The following RAB38 variants were observed in gnomAD, a reference collection of about 807,000 sequenced individuals.
The protein encoded by RAB38 is ras-related protein Rab-38.
A neutral mutation model predicts 18.4 loss-of-function variants in RAB38; 15 were observed. The ratio of observed to expected loss-of-function variants is 0.82; its 90% CI spans 0.55 to 1.26. RAB38 has a LOEUF of 1.26. Ranked by LOEUF, RAB38 falls within the 50% of genes most tolerant of loss-of-function variation. The pLI is 0.00. For synonymous variants in RAB38, 101 were observed against 104.4 expected, an observed-to-expected ratio of 0.97 and a Z score of 0.20; for missense variants, 294 against 267.4, an observed-to-expected ratio of 1.10 and a Z score of -0.69.
At chr11:87,842,727 C>G in the RAB38 span, among the ~76,000 whole-genome samples, 1 of 151,992 alleles carries the variant, frequency 6.6e-6, no homozygotes, top group South Asian at 2.1e-4. Flanking sequence ...TCAGAATACA[C>G]AAGTGCACCT....
At chr11:88,103,615 T>C in the RAB38 span, among the ~76,000 whole-genome samples, 2 of 152,122 alleles carry the variant, frequency 1.3e-5, no homozygotes, top group East Asian at 3.9e-4. Context: ...TCCTTTATTA[T>C]ACTAAGCCAT....
chr11:87,833,485 C>A, the RAB38 span, among the ~76,000 whole-genome samples: 1 of 152,130 alleles, frequency 6.6e-6, no homozygotes, highest in Non-Finnish European at 1.5e-5. Flanking sequence ...AACTGGTCCC[C>A]ATGTGTTTCA....
chr11:88,043,093 C>T, the RAB38 span, among the ~76,000 whole-genome samples: 1 of 152,118 alleles, frequency 6.6e-6, no homozygotes, highest in Admixed American at 6.5e-5. Flanking sequence ...ATGAGACACA[C>T]TGACTCTCTA....
the RAB38 span, among the ~76,000 whole-genome samples, chr11:88,062,329 C>A: frequency 6.6e-6 from 1 of 152,078 alleles, no homozygotes; most frequent in East Asian, 1.9e-4. Flanking sequence ...TCTCACCTGG[C>A]ACCATGTAAG....
At chr11:88,173,085 G>T (rs1194435242) in intron 1 of RAB38, among the ~76,000 whole-genome samples, 1 of 152,174 alleles carries the variant, frequency 6.6e-6, no homozygotes, top group African/African-American at 2.4e-5. Flanking sequence ...AAGTGCTTTC[G>T]AGCTTGGGAG....
At chr11:88,062,886 A>C in the RAB38 span, among the ~76,000 whole-genome samples, 2 of 152,198 alleles carry the variant, frequency 1.3e-5, no homozygotes, top group African/African-American at 4.8e-5. Flanking sequence ...CAGCTGTTAA[A>C]CTTTATTTAA....
intron 2 of RAB38, among the ~76,000 whole-genome samples, chr11:88,142,707 C>T (rs1361105820): frequency 2.0e-5 from 3 of 152,138 alleles, no homozygotes; most frequent in Non-Finnish European, 2.9e-5. Flanking sequence ...CTTTGTTGGG[C>T]AAAATGAAAT....
chr11:87,948,971 C>T, the RAB38 span, among the ~76,000 whole-genome samples: 5 of 152,084 alleles, frequency 3.3e-5, no homozygotes, highest in African/African-American at 7.2e-5. Context: ...ATGGTACCAG[C>T]TCCTCCTTGT....
At chr11:88,057,346 G>A in the RAB38 span, among the ~76,000 whole-genome samples, 29 of 152,006 alleles carry the variant, frequency 1.9e-4, no homozygotes, top group Non-Finnish European at 3.5e-4. Context: ...ATACATGAAG[G>A]CAAGAGCATG....
At chr11:88,033,678 A>C in the RAB38 span, among the ~76,000 whole-genome samples, 1 of 148,644 alleles carries the variant, frequency 6.7e-6, no homozygotes, top group East Asian at 2.0e-4. Flanking sequence ...TGTATCCATC[A>C]TTATAGTAAA....
At chr11:88,039,594 T>C in the RAB38 span, among the ~76,000 whole-genome samples, 1 of 152,168 alleles carries the variant, frequency 6.6e-6, no homozygotes, top group African/African-American at 2.4e-5. Flanking sequence ...TACTCATGAA[T>C]TGATTAATTT....
chr11:87,822,939 A>G, the RAB38 span, among the ~76,000 whole-genome samples: 1,774 of 152,324 alleles, frequency 0.012, 24 homozygotes, highest in Non-Finnish European at 0.013. Context: ...TACAAAAAGC[A>G]TTACCAAAAT....
At chr11:87,812,133 T>C in the RAB38 span, among the ~76,000 whole-genome samples, 1 of 152,204 alleles carries the variant, frequency 6.6e-6, no homozygotes, top group Non-Finnish European at 1.5e-5. Context: ...ATTTAGGAAT[T>C]AGTATCTCAA....
the RAB38 span, among the ~76,000 whole-genome samples, chr11:88,092,374 GAGAGAGAGAGAGAGAGAGAGAGA>G: frequency 2.0e-4 from 5 of 25,532 alleles, no homozygotes; most frequent in Non-Finnish European, 2.9e-4. Context: ...GAGAGAGAGA[GAGAGAGAGAGAGAGAGAGAGAGA>G]GAGAGAGAGA....
At chr11:87,919,495 G>C in the RAB38 span, among the ~76,000 whole-genome samples, 2,082 of 151,628 alleles carry the variant, frequency 0.014, 45 homozygotes, top group African/African-American at 0.048. Context: ...TGTTGAATTT[G>C]GTTTGCTATT....
the RAB38 span, among the ~76,000 whole-genome samples, chr11:87,969,857 G>A: frequency 6.6e-6 from 1 of 152,110 alleles, no homozygotes; most frequent in Non-Finnish European, 1.5e-5. Flanking sequence ...GGATTCTGGA[G>A]ATTTTAAGCT....
chr11:88,107,751 C>T, the RAB38 span, among the ~76,000 whole-genome samples: 1 of 152,128 alleles, frequency 6.6e-6, no homozygotes, highest in Admixed American at 6.6e-5. Context: ...CTCCTGTGGG[C>T]ATTTAGTGCT....
At chr11:87,945,731 G>C in the RAB38 span, among the ~76,000 whole-genome samples, 1 of 152,160 alleles carries the variant, frequency 6.6e-6, no homozygotes, top group Non-Finnish European at 1.5e-5. Context: ...GAAAGAAACA[G>C]TCATTCACCT....
chr11:87,839,696 T>G, the RAB38 span, among the ~76,000 whole-genome samples: 1 of 152,134 alleles, frequency 6.6e-6, no homozygotes, highest in South Asian at 2.1e-4. Context: ...CTGAAGAAAC[T>G]CTCTTAATAT....
Sources: allele counts gnomAD v4.1 joint callset (sites outside exome capture counted in the v4.1 genomes callset), GRCh38; gene constraint gnomAD v4.1.1; transcripts MANE v1.5; gene names NCBI Gene and HGNC (gene_info 2026-07-23, HGNC 2026-07-21).